Variants in CDH12 observed in about 807,000 individuals in gnomAD.
CDH12 encodes the protein cadherin-12.
Under a neutral mutation model 74.1 loss-of-function variants are expected in CDH12, and 41 were observed. The observed-to-expected ratio is 0.55, with a 90% CI of 0.43 to 0.72. The LOEUF is 0.72. CDH12 is among the 30% of genes least tolerant of loss of function. The probability of loss-of-function intolerance (pLI) is 0.00; values close to 1 mark genes in which losing one functional copy is unlikely to be tolerated. For missense variants in CDH12, 945 were observed against 977.2 expected, an observed-to-expected ratio of 0.97 and a Z score of 0.44; for synonymous variants, 399 against 355.0, an observed-to-expected ratio of 1.12 and a Z score of -1.39.
chr5:22,520,027 G>A (rs1175846851), intron 1 of CDH12, among the ~76,000 whole-genome samples: 1 of 151,968 alleles, frequency 6.6e-6, no homozygotes, highest in African/African-American at 2.4e-5. Flanking sequence ...ACTCTATGAT[G>A]AGAAAAAGCT....
At chr5:22,283,233 T>TA (rs1199226746) in intron 3 of CDH12, among the ~76,000 whole-genome samples, 4 of 22,428 alleles carry the variant, frequency 1.8e-4, no homozygotes, top group South Asian at 2.9e-3. Context: ...TATATATATA[T>TA]ATATATATAT....
intron 4 of CDH12, among the ~76,000 whole-genome samples, chr5:22,151,382 G>C (rs1205756560): frequency 2.0e-5 from 3 of 152,180 alleles, no homozygotes; most frequent in Non-Finnish European, 2.9e-5. Flanking sequence ...TACCAGCTTA[G>C]AACTTAATAG....
chr5:22,095,073 G>A (rs963059921), intron 4 of CDH12, among the ~76,000 whole-genome samples: 8 of 152,166 alleles, frequency 5.3e-5, no homozygotes, highest in African/African-American at 9.7e-5. Flanking sequence ...ATTTGGTGCC[G>A]TGACTTGGAT....
At chr5:22,179,212 G>C (rs1466300101) in intron 4 of CDH12, among the ~76,000 whole-genome samples, 7 of 152,112 alleles carry the variant, frequency 4.6e-5, no homozygotes, top group Non-Finnish European at 8.8e-5. Context: ...TATGTACATG[G>C]ACATGTATTT....
chr5:21,882,574 C>T (rs1270925479), intron 6 of CDH12: 21 of 1,512,608 alleles, frequency 1.4e-5, no homozygotes, highest in African/African-American at 2.7e-5. Context: ...TGCCCTGCAG[C>T]CGCCCCACAG....
rs188387300 is a variant in CDH12, at chr5:21,828,114, A to T, written c.815-10982T>A. 3.9e-5 allele frequency among the ~76,000 whole-genome samples: 6 copies of T among 152,146 alleles called. No individual in the cohort carries two copies. In the East Asian group the frequency reaches 9.7e-4, roughly 25 times the overall value. ...TTAACACCTTACAAAATAAGCTTTG[A>T]AAAACAATGAATTTTTTTTTTTTTT... On this transcript the variant is annotated intron_variant, in intron 8 of 14. Transcript: ENST00000382254.
intron 2 of CDH12, among the ~76,000 whole-genome samples, chr5:22,433,323 C>A (rs543780093): frequency 6.6e-6 from 1 of 152,146 alleles, no homozygotes; most frequent in East Asian, 1.9e-4. Context: ...GGCTGATTAA[C>A]AGAATAAAGT....
At position 21,760,029 on chromosome 5, in the gene CDH12, C is replaced by T. The variant is rs375109190; in HGVS notation, c.1633+529G>A. ...AAAGACATGATCTCATTCTTTCTTA[C>T]GGCTGCATAGCATTCCATGGTGTAT... On this transcript the variant is annotated intron_variant, in intron 13 of 14. Coordinates refer to ENST00000382254, the MANE Select transcript of CDH12 (RefSeq NM_004061.5). Among the ~76,000 whole-genome samples the T allele has an allele frequency of 1.1e-4, 17 of 152,176 alleles. No homozygotes were observed. The South Asian group carries it at 1.7e-3, about 15-fold the overall frequency.
chr5:22,398,928 G>A (rs1051013847), intron 3 of CDH12, among the ~76,000 whole-genome samples: 1 of 152,048 alleles, frequency 6.6e-6, no homozygotes, highest in Non-Finnish European at 1.5e-5. Flanking sequence ...TGCAGGGTAC[G>A]TTTGGCTTTC....
intron 2 of CDH12, among the ~76,000 whole-genome samples, chr5:22,443,067 G>A (rs532527632): frequency 6.6e-6 from 1 of 152,214 alleles, no homozygotes; most frequent in African/African-American, 2.4e-5. Flanking sequence ...CCTGCACTCT[G>A]TTGAAGCAAT....
intron 1 of CDH12, among the ~76,000 whole-genome samples, chr5:22,771,519 A>G (rs1490651613): frequency 1.3e-5 from 2 of 152,132 alleles, no homozygotes; most frequent in Non-Finnish European, 2.9e-5. Flanking sequence ...ATCATGATCA[A>G]TGTACAATTT....
At chr5:22,411,719 A>C (rs1743178366) in intron 2 of CDH12, among the ~76,000 whole-genome samples, 1 of 151,988 alleles carries the variant, frequency 6.6e-6, no homozygotes, top group Non-Finnish European at 1.5e-5. Context: ...TATATTTTAG[A>C]AATCTAGACA....
intron 6 of CDH12, among the ~76,000 whole-genome samples, chr5:21,925,343 A>G (rs1754539554): frequency 1.3e-5 from 2 of 152,236 alleles, no homozygotes; most frequent in Admixed American, 6.5e-5. Flanking sequence ...TGGACCCTTC[A>G]TCATTTAAGT....
chr5:21,996,939 A>G (rs1315539366), intron 5 of CDH12, among the ~76,000 whole-genome samples: 5 of 152,170 alleles, frequency 3.3e-5, no homozygotes, highest in African/African-American at 9.7e-5. Context: ...AAGCGTCATT[A>G]TCTGACTTGG....
chr5:22,126,736 C>T (rs897536844), intron 4 of CDH12, among the ~76,000 whole-genome samples: 23 of 152,278 alleles, frequency 1.5e-4, no homozygotes, highest in African/African-American at 5.5e-4. Context: ...TATTCAGCTT[C>T]ATTTGTACCT....
intron 4 of CDH12, among the ~76,000 whole-genome samples, chr5:22,087,239 T>C (rs1311152270): frequency 6.6e-6 from 1 of 152,144 alleles, no homozygotes; most frequent in Non-Finnish European, 1.5e-5. Flanking sequence ...TATCCTAATA[T>C]AAGATGTACA....
chr5:22,693,859 G>A (rs1742212672), intron 1 of CDH12, among the ~76,000 whole-genome samples: 2 of 151,852 alleles, frequency 1.3e-5, no homozygotes, highest in African/African-American at 4.8e-5. Context: ...CTGCAGAATT[G>A]TACACTGATT....
chr5:22,069,591 C>A (rs1465014350), intron 5 of CDH12, among the ~76,000 whole-genome samples: 1 of 152,124 alleles, frequency 6.6e-6, no homozygotes, highest in Non-Finnish European at 1.5e-5. Flanking sequence ...ATGTTTCCAC[C>A]AGGACACAAA....
At chr5:22,596,869 A>C (rs1736630969) in intron 1 of CDH12, among the ~76,000 whole-genome samples, 1 of 152,152 alleles carries the variant, frequency 6.6e-6, no homozygotes, top group African/African-American at 2.4e-5. Flanking sequence ...CTCTTATTTC[A>C]GTTGACAAGA....
Sources: allele counts gnomAD v4.1 joint callset (sites outside exome capture counted in the v4.1 genomes callset), GRCh38; gene constraint gnomAD v4.1.1; transcripts MANE v1.5; gene names NCBI Gene and HGNC (gene_info 2026-07-23, HGNC 2026-07-21).